Variants in PLAG1 observed in about 807,000 individuals in gnomAD.
PLAG1 encodes the protein zinc finger protein PLAG1.
Under a neutral mutation model 35.5 loss-of-function variants are expected in PLAG1, and 7 were observed. The ratio of observed to expected loss-of-function variants is 0.20; its 90% CI spans 0.11 to 0.37. The LOEUF (loss-of-function observed/expected upper bound fraction) is 0.37, where lower values mean the gene tolerates loss of function less well. PLAG1 is among the 10% of genes least tolerant of loss of function. PLAG1 has a pLI of 1.00. For synonymous variants in PLAG1, 229 were observed against 225.4 expected (o/e 1.02, Z -0.14); for missense variants, 454 against 602.8 (o/e 0.75, Z 2.58).
intron 1 of PLAG1, among the ~76,000 whole-genome samples, chr8:56,194,615 G>T (rs1812300372): frequency 6.6e-6 from 1 of 151,868 alleles, no homozygotes; most frequent in Non-Finnish European, 1.5e-5. Context: ...GTGTTTGTGT[G>T]TGTGTGGCGT....
intron 1 of PLAG1, among the ~76,000 whole-genome samples, chr8:56,208,423 C>A (rs1331980004): frequency 1.3e-5 from 2 of 152,024 alleles, no homozygotes; most frequent in Non-Finnish European, 2.9e-5. Context: ...AAATCAGAAA[C>A]CACAAGATGA....
chr8:56,205,867 C>T (rs766697003), intron 1 of PLAG1, among the ~76,000 whole-genome samples: 1 of 151,954 alleles, frequency 6.6e-6, no homozygotes, highest in Non-Finnish European at 1.5e-5. Context: ...ATTCATTCTA[C>T]ACATGCACAC....
chr8:56,198,858 T>C (rs1321184859), intron 1 of PLAG1, among the ~76,000 whole-genome samples: 2 of 152,224 alleles, frequency 1.3e-5, no homozygotes, highest in African/African-American at 4.8e-5. Context: ...AACTACTGTG[T>C]CCTTTGCTCA....
intron 1 of PLAG1, among the ~76,000 whole-genome samples, chr8:56,182,205 A>T (rs1418885367): frequency 6.6e-6 from 1 of 152,236 alleles, no homozygotes; most frequent in Non-Finnish European, 1.5e-5. Flanking sequence ...TTTGAATGAG[A>T]CACAGAAGAT....
rs1262748732 is a variant in PLAG1, at chr8:56,162,763, C to T, written c.*3480G>A. 10 of 211,202 alleles carry T rather than the reference C, an allele frequency of 4.7e-5. No individual in the cohort carries two copies. The highest frequency in any genetic ancestry group is 1.4e-4 in the East Asian group (2 of 13,948). 13.1% of individuals were successfully genotyped at this position (211,202 alleles called of 1,614,324 possible). A position where few individuals can be genotyped will look rare whatever the true frequency, so the allele number is the denominator to read the frequency against. On this transcript the variant is annotated 3_prime_UTR_variant, in exon 5 of 5. Transcript: ENST00000316981. Reference sequence around the variant, plus strand: ...TTCATTATTAGCTTAATAAAGCAATCGGCTCTGGCTCATGTTTCAGTCAGT... The same window carrying T: ...TTCATTATTAGCTTAATAAAGCAATTGGCTCTGGCTCATGTTTCAGTCAGT...
intron 1 of PLAG1, among the ~76,000 whole-genome samples, chr8:56,192,796 A>G: frequency 6.6e-6 from 1 of 152,226 alleles, no homozygotes; most frequent in East Asian, 1.9e-4. Flanking sequence ...TGGAGGCAAA[A>G]AGCAGAACCT....
intron 2 of PLAG1, among the ~76,000 whole-genome samples, chr8:56,172,623 T>A (rs1411839934): frequency 2.6e-5 from 4 of 152,188 alleles, no homozygotes; most frequent in Non-Finnish European, 5.9e-5. Flanking sequence ...GAGAGGTGGA[T>A]GTGTTTACCA....
chr8:56,172,695 T>C (rs1369137665), intron 2 of PLAG1, among the ~76,000 whole-genome samples: 2 of 152,270 alleles, frequency 1.3e-5, no homozygotes, highest in African/African-American at 4.8e-5. Context: ...ATATGTGTGA[T>C]AAAGAAGGGA....
intron 1 of PLAG1, among the ~76,000 whole-genome samples, chr8:56,200,390 C>T (rs912226035): frequency 1.3e-5 from 2 of 152,326 alleles, no homozygotes; most frequent in South Asian, 4.1e-4. Context: ...CAGAATGGAC[C>T]TAGTGGTAAA....
rs1382243770 is a variant in PLAG1 at position 56,194,479 on chromosome 8, G to A, written c.-321-14966C>T. On this transcript the variant is annotated intron_variant, in intron 1 of 4. Transcript: ENST00000316981. The stretch of plus-strand genomic sequence containing the variant: ...CAGGCTGAGGTGGCAGAAAATGGTG[G>A]CTCATGCATGCAGTGGGTGCACTAC... Among the ~76,000 whole-genome samples, 3 of 152,194 alleles carry A rather than the reference G, an allele frequency of 2.0e-5. No individual in the cohort carries two copies. In the East Asian group the frequency reaches 5.8e-4, roughly 29 times the overall value.
At chr8:56,180,565 G>A (rs1264769916) in intron 1 of PLAG1, among the ~76,000 whole-genome samples, 2 of 152,302 alleles carry the variant, frequency 1.3e-5, no homozygotes, top group Middle Eastern at 3.4e-3. Context: ...GAATGGTATT[G>A]CCTAGGTTTT....
At chr8:56,178,534 G>A (rs182923360) in intron 2 of PLAG1, among the ~76,000 whole-genome samples, 1 of 152,138 alleles carries the variant, frequency 6.6e-6, no homozygotes, top group Non-Finnish European at 1.5e-5. Flanking sequence ...ATAGAATGTT[G>A]TTCTTATAGA....
chr8:56,194,095 C>T (rs1812277089), intron 1 of PLAG1, among the ~76,000 whole-genome samples: 1 of 151,942 alleles, frequency 6.6e-6, no homozygotes, highest in Non-Finnish European at 1.5e-5. Flanking sequence ...TGTTGGATCA[C>T]TTTAGGCTAG....
chr8:56,164,320 A>ATGTG lies in PLAG1; in HGVS notation c.*1919_*1922dup, dbSNP rs145284198. 7.5e-3 allele frequency: 1,610 copies of ATGTG among 214,506 alleles called. 19 individuals carry two copies. The highest frequency in any genetic ancestry group is 0.031 in the African/African-American group (1,378 of 44,128). The allele number at this position is 214,506 out of a possible 1,614,324, so 13.3% of individuals were successfully genotyped here. A position where few individuals can be genotyped will look rare whatever the true frequency, so the allele number is the denominator to read the frequency against. ...ATTCTATGAAGTGCGGTATGTGTGC[A>ATGTG]TGTGTGTGTGTGTGTGTATTATATA... On this transcript the variant is annotated 3_prime_UTR_variant, in exon 5 of 5. Coordinates refer to ENST00000316981, the MANE Select transcript of PLAG1 (RefSeq NM_002655.3).
chr8:56,186,889 T>C (rs1812035276), intron 1 of PLAG1, among the ~76,000 whole-genome samples: 1 of 152,054 alleles, frequency 6.6e-6, no homozygotes, highest in South Asian at 2.1e-4. Flanking sequence ...GCTAATTTTG[T>C]ATTTTTAATA....
Position 56,188,306 on chromosome 8 carries a change from G to A in PLAG1, c.-321-8793C>T, listed in dbSNP as rs185061294. On this transcript the variant is annotated intron_variant, in intron 1 of 4. Coordinates refer to ENST00000316981, the MANE Select transcript of PLAG1 (RefSeq NM_002655.3). Reference sequence around the variant, plus strand: ...CAGGGAGGGGACAGGGATCTGATACGGGAAAAAAAATGAATACTCAACTAA... The same window carrying A: ...CAGGGAGGGGACAGGGATCTGATACAGGAAAAAAAATGAATACTCAACTAA... 1.2e-3 allele frequency among the ~76,000 whole-genome samples: 178 copies of A among 152,146 alleles called. 2 individuals are homozygous for A. Among genetic ancestry groups the A allele is most frequent in the African/African-American group, 3.9e-3 (160 of 41,506 alleles).
chr8:56,189,341 A>T (rs1352565690), intron 1 of PLAG1, among the ~76,000 whole-genome samples: 1 of 152,186 alleles, frequency 6.6e-6, no homozygotes, highest in Non-Finnish European at 1.5e-5. Context: ...CCCACCCTCT[A>T]CAGATATCAG....
At position 56,211,121 on chromosome 8, in the gene PLAG1, C is replaced by G. The variant is rs1468890314; in HGVS notation, c.-322G>C. ...CGCCCCGGACCCCCGGAGAACTCAC[C>G]GCGGGGCTTTAACATCCTCCCTCCG... On this transcript the variant is annotated splice_region_variant and 5_prime_UTR_variant, in exon 1 of 5. Coordinates refer to ENST00000316981, the MANE Select transcript of PLAG1 (RefSeq NM_002655.3). The G allele has an allele frequency of 5.9e-5, 9 of 153,056 alleles. No homozygotes were observed. Among genetic ancestry groups the G allele is most frequent in the Non-Finnish European group, 8.8e-5 (6 of 68,414 alleles). The allele number at this position is 153,056 out of a possible 1,614,324, so 9.5% of individuals were successfully genotyped here. A position where few individuals can be genotyped will look rare whatever the true frequency, so the allele number is the denominator to read the frequency against.
intron 1 of PLAG1, among the ~76,000 whole-genome samples, chr8:56,185,970 A>T (rs1378923199): frequency 6.6e-6 from 1 of 152,250 alleles, no homozygotes; most frequent in Non-Finnish European, 1.5e-5. Flanking sequence ...GTAACACAGA[A>T]GCCAAGGTAA....
Sources: gnomAD v4.1 joint callset for allele counts (sites outside exome capture counted in the v4.1 genomes callset) on GRCh38, gnomAD v4.1.1 for gene constraint, MANE v1.5 for transcripts, NCBI Gene and HGNC (gene_info 2026-07-23, HGNC 2026-07-21) for gene names.